Variants in SNTG2 observed in about 807,000 individuals in gnomAD.
SNTG2 encodes the protein syntrophin gamma 2, also known as gamma-2-syntrophin.
SNTG2 carries 74 observed loss-of-function variants against 70.9 expected under a neutral mutation model. That is an observed-to-expected ratio of 1.04 (90% CI 0.86 to 1.27). The LOEUF (loss-of-function observed/expected upper bound fraction) is 1.27. Among genes scored for constraint, SNTG2 ranks in the 50% most tolerant of loss-of-function variants. SNTG2 has a pLI of 0.00. For missense variants in SNTG2, 717 were observed against 690.7 expected (o/e 1.04, Z -0.43); for synonymous variants, 278 against 273.8 (o/e 1.02, Z -0.15).
At chr2:1,023,799 TTG>T (rs1175307690) in intron 1 of SNTG2, among the ~76,000 whole-genome samples, 1 of 151,984 alleles carries the variant, frequency 6.6e-6, no homozygotes, top group Admixed American at 6.6e-5. Flanking sequence ...GCAAGGAGAG[TTG>T]TGTGTGTGCC....
In SNTG2 at chr2:1,357,750, T is replaced by C. The variant is rs865983723; in HGVS notation, c.1489-9593T>C. Reference sequence around the variant, plus strand: ...CTTCATGATTGACTGGTAGGTTGTATGTTTCTAGGAATTTATCCAATTTTT... The same window carrying C: ...CTTCATGATTGACTGGTAGGTTGTACGTTTCTAGGAATTTATCCAATTTTT... On this transcript the variant is annotated intron_variant, in intron 16 of 16. Transcript: ENST00000308624. Among the ~76,000 whole-genome samples the C allele has an allele frequency of 3.3e-5, 5 of 152,106 alleles. 1 individual carries two copies. Among genetic ancestry groups the C allele is most frequent in the Admixed American group, 6.5e-5 (1 of 15,268 alleles).
intron 2 of SNTG2, among the ~76,000 whole-genome samples, chr2:1,096,339 G>A (rs1295608591): frequency 6.6e-6 from 1 of 152,038 alleles, no homozygotes; most frequent in Non-Finnish European, 1.5e-5. Flanking sequence ...TGTTTTTTGT[G>A]GTGAGGACAT....
intron 4 of SNTG2, among the ~76,000 whole-genome samples, chr2:1,116,745 G>T (rs1189621689): frequency 4.7e-5 from 7 of 148,344 alleles, no homozygotes; most frequent in Non-Finnish European, 1.0e-4. Flanking sequence ...CTGGTGTATG[G>T]GTGCCGTGGT....
chr2:986,855 A>G (rs993985254), intron 1 of SNTG2, among the ~76,000 whole-genome samples: 9 of 152,264 alleles, frequency 5.9e-5, no homozygotes, highest in Non-Finnish European at 1.2e-4. Flanking sequence ...ATACTTAGCA[A>G]TTTTAGAGTA....
intron 9 of SNTG2, among the ~76,000 whole-genome samples, chr2:1,221,817 CTCTG>C (rs1674951473): frequency 3.9e-5 from 1 of 25,964 alleles, no homozygotes; most frequent in Non-Finnish European, 6.3e-5. Flanking sequence ...CTCTCTCGGT[CTCTG>C]TCTCTCTCTG....
At chr2:1,175,367 C>T (rs1363681152) in intron 8 of SNTG2, among the ~76,000 whole-genome samples, 1 of 152,154 alleles carries the variant, frequency 6.6e-6, no homozygotes, top group Non-Finnish European at 1.5e-5. Flanking sequence ...CATCTGTAGG[C>T]CTTGCCCTCT....
intron 4 of SNTG2, among the ~76,000 whole-genome samples, chr2:1,134,104 T>C (rs143392497): frequency 0.043 from 6,563 of 152,090 alleles, 195 homozygotes; most frequent in Admixed American, 0.071. Context: ...TCCCTGTGGG[T>C]TTGTGGTCTC....
At chr2:1,110,914 GA>G (rs1463687076) in intron 4 of SNTG2, among the ~76,000 whole-genome samples, 2 of 152,210 alleles carry the variant, frequency 1.3e-5, no homozygotes, top group East Asian at 3.9e-4. Context: ...CATGTGTGCA[GA>G]AACACAATGT....
intron 1 of SNTG2, among the ~76,000 whole-genome samples, chr2:1,080,452 C>T (rs1230915276): frequency 1.3e-5 from 2 of 152,178 alleles, no homozygotes; most frequent in Non-Finnish European, 2.9e-5. Flanking sequence ...CATATTGATA[C>T]ACTTGCTCTT....
chr2:1,067,719 C>T (rs1214068989), intron 1 of SNTG2, among the ~76,000 whole-genome samples: 1 of 152,140 alleles, frequency 6.6e-6, no homozygotes, highest in African/African-American at 2.4e-5. Flanking sequence ...TGGAACTAAG[C>T]TATCCAACTA....
At chr2:1,304,512 G>A (rs559109291) in intron 14 of SNTG2, among the ~76,000 whole-genome samples, 6 of 152,168 alleles carry the variant, frequency 3.9e-5, no homozygotes, top group South Asian at 2.1e-4. Context: ...GGATCACTGC[G>A]TTCAGAAGTT....
At chr2:960,433 C>T (rs113209403) in intron 1 of SNTG2, among the ~76,000 whole-genome samples, 3 of 152,306 alleles carry the variant, frequency 2.0e-5, no homozygotes, top group Admixed American at 6.5e-5. Context: ...ATTTTCTCAT[C>T]GGTGAGATTG....
At chr2:1,069,618 C>T (rs954411409) in intron 1 of SNTG2, among the ~76,000 whole-genome samples, 11 of 151,894 alleles carry the variant, frequency 7.2e-5, no homozygotes, top group Admixed American at 3.9e-4. Context: ...TGGTGAAACC[C>T]TGTCTGTACT....
intron 6 of SNTG2, among the ~76,000 whole-genome samples, chr2:1,156,181 C>T (rs1669884164): frequency 1.3e-5 from 2 of 152,284 alleles, no homozygotes; most frequent in South Asian, 2.1e-4. Context: ...CTGGCAAGGA[C>T]TACTCTGAAG....
At chr2:962,543 C>T (rs1433054749) in intron 1 of SNTG2, among the ~76,000 whole-genome samples, 1 of 152,164 alleles carries the variant, frequency 6.6e-6, no homozygotes, top group Non-Finnish European at 1.5e-5. Flanking sequence ...TGAGCCTCTG[C>T]AATGCAGAAA....
chr2:1,220,240 G>A (rs1287515909), intron 9 of SNTG2, among the ~76,000 whole-genome samples: 1 of 152,242 alleles, frequency 6.6e-6, no homozygotes, highest in Non-Finnish European at 1.5e-5. Flanking sequence ...GTGTTGGGTG[G>A]TTCTAGGAAG....
intron 1 of SNTG2, among the ~76,000 whole-genome samples, chr2:1,055,108 G>C (rs1221278804): frequency 9.9e-5 from 15 of 152,188 alleles, no homozygotes; most frequent in Non-Finnish European, 8.8e-5. Context: ...GCTGTGTGTT[G>C]CTATAAATGC....
intron 14 of SNTG2, among the ~76,000 whole-genome samples, chr2:1,276,269 T>C (rs180761517): frequency 2.6e-5 from 4 of 152,352 alleles, no homozygotes. Flanking sequence ...GAAGATGCCA[T>C]CTAGGAATTT....
intron 6 of SNTG2, among the ~76,000 whole-genome samples, chr2:1,159,091 TG>T (rs1670094164): frequency 1.4e-5 from 1 of 69,434 alleles, no homozygotes. Context: ...TCCGTGTGTA[TG>T]TGCATGCGTG....
Sources: gnomAD v4.1 joint callset for allele counts (sites outside exome capture counted in the v4.1 genomes callset) on GRCh38, gnomAD v4.1.1 for gene constraint, MANE v1.5 for transcripts, NCBI Gene and HGNC (gene_info 2026-07-23, HGNC 2026-07-21) for gene names.